GRM5: variants seen among roughly 807,000 people sequenced by gnomAD.
GRM5 encodes the protein glutamate metabotropic receptor 5, also known as metabotropic glutamate receptor 5.
Under a neutral mutation model 83.1 loss-of-function variants are expected in GRM5, and 19 were observed. The ratio of observed to expected loss-of-function variants is 0.23; its 90% CI spans 0.16 to 0.34. The LOEUF (loss-of-function observed/expected upper bound fraction) is 0.34. GRM5 is among the 10% of genes least tolerant of loss of function. The pLI, the probability that GRM5 is intolerant of heterozygous loss-of-function variation, is 1.00. For missense variants in GRM5, 1,160 were observed against 1,588.3 expected, an observed-to-expected ratio of 0.73 and a Z score of 4.58; for synonymous variants, 675 against 633.6, an observed-to-expected ratio of 1.07 and a Z score of -0.98.
At chr11:88,532,341 G>A (rs1942031960) in intron 8 of GRM5, among the ~76,000 whole-genome samples, 1 of 152,014 alleles carries the variant, frequency 6.6e-6, no homozygotes, top group Admixed American at 6.6e-5. Context: ...AAACAATATG[G>A]GAGGAAAAGA....
intron 9 of GRM5, among the ~76,000 whole-genome samples, chr11:88,519,266 T>C (rs1160106135): frequency 6.6e-6 from 1 of 151,892 alleles, no homozygotes; most frequent in Non-Finnish European, 1.5e-5. Flanking sequence ...AGTCTTAAGA[T>C]GTGCTGTTGT....
chr11:88,557,789 C>T (rs1183538843), intron 8 of GRM5, among the ~76,000 whole-genome samples: 1 of 148,570 alleles, frequency 6.7e-6, no homozygotes, highest in East Asian at 2.0e-4. Flanking sequence ...TTCTGGGGTA[C>T]ATGTGCAGAA....
intron 2 of GRM5, among the ~76,000 whole-genome samples, chr11:88,976,362 G>A (rs918487712): frequency 6.6e-6 from 1 of 152,044 alleles, no homozygotes; most frequent in Non-Finnish European, 1.5e-5. Flanking sequence ...TGAATCTTGC[G>A]AATCTACCAT....
intron 5 of GRM5, among the ~76,000 whole-genome samples, chr11:88,603,026 G>A (rs1938042117): frequency 6.6e-6 from 1 of 152,170 alleles, no homozygotes; most frequent in African/African-American, 2.4e-5. Flanking sequence ...ACCTAGTAGT[G>A]CAAGGATAGA....
At chr11:88,916,746 T>G (rs570914453) in intron 2 of GRM5, among the ~76,000 whole-genome samples, 170 of 94,624 alleles carry the variant, frequency 1.8e-3, no homozygotes, top group Non-Finnish European at 2.4e-3. Flanking sequence ...TCTGGGAGAA[T>G]TCCTCCAGCT....
intron 2 of GRM5, among the ~76,000 whole-genome samples, chr11:88,987,740 G>A (rs1387448327): frequency 6.6e-6 from 1 of 151,908 alleles, no homozygotes; most frequent in Admixed American, 6.6e-5. Flanking sequence ...GCACCCCCCA[G>A]CAGGGGCACA....
intron 2 of GRM5, among the ~76,000 whole-genome samples, chr11:88,992,438 C>T: frequency 6.6e-6 from 1 of 152,072 alleles, no homozygotes; most frequent in Admixed American, 6.6e-5. Flanking sequence ...ACTAGTTCAA[C>T]CATTGTGGAA....
chr11:88,680,392 T>C (rs1940449081), intron 3 of GRM5, among the ~76,000 whole-genome samples: 1 of 152,186 alleles, frequency 6.6e-6, no homozygotes, highest in Admixed American at 6.5e-5. Context: ...GCTTCATCCA[T>C]GTCCCTACAA....
At chr11:88,726,487 T>G (rs1591469987) in intron 3 of GRM5, among the ~76,000 whole-genome samples, 1 of 152,320 alleles carries the variant, frequency 6.6e-6, no homozygotes, top group Middle Eastern at 3.4e-3. Flanking sequence ...CCAGGAGAAC[T>G]TCTCCAACCT....
intron 2 of GRM5, chr11:89,008,907 T>C: frequency 1.9e-6 from 1 of 514,216 alleles, no homozygotes; most frequent in Non-Finnish European, 3.6e-6. Context: ...GCCTCTGTTA[T>C]TCCTTTAGTT....
chr11:88,794,064 C>A (rs935480773), intron 3 of GRM5, among the ~76,000 whole-genome samples: 1 of 152,164 alleles, frequency 6.6e-6, no homozygotes, highest in Non-Finnish European at 1.5e-5. Context: ...CTAAAGCAAT[C>A]TGCCTGCCTC....
At chr11:88,705,677 G>T (rs1415321279) in intron 3 of GRM5, among the ~76,000 whole-genome samples, 6 of 150,668 alleles carry the variant, frequency 4.0e-5, no homozygotes, top group African/African-American at 1.5e-4. Context: ...TCTGCTTTCT[G>T]CTAATCTCAT....
At chr11:89,023,477 C>A (rs1272208823) in intron 2 of GRM5, among the ~76,000 whole-genome samples, 1 of 152,102 alleles carries the variant, frequency 6.6e-6, no homozygotes, top group Non-Finnish European at 1.5e-5. Context: ...TAGTCCCAGA[C>A]ATACCAGGGT....
At chr11:88,952,014 T>C (rs1938480091) in intron 2 of GRM5, among the ~76,000 whole-genome samples, 1 of 152,176 alleles carries the variant, frequency 6.6e-6, no homozygotes. Flanking sequence ...CTTTCTGAAA[T>C]GCAGTTCTGT....
chr11:88,657,449 A>G (rs577125528), intron 3 of GRM5, among the ~76,000 whole-genome samples: 2 of 152,296 alleles, frequency 1.3e-5, no homozygotes, highest in Non-Finnish European at 2.9e-5. Flanking sequence ...TTCTTTATAC[A>G]TATGTACTGG....
At chr11:88,956,578 G>A (rs1254220442) in intron 2 of GRM5, among the ~76,000 whole-genome samples, 4 of 150,916 alleles carry the variant, frequency 2.7e-5, no homozygotes, top group Middle Eastern at 3.4e-3. Flanking sequence ...CGGCCGAGGC[G>A]GGCAGATCAC....
intron 3 of GRM5, among the ~76,000 whole-genome samples, chr11:88,795,351 C>T (rs906188366): frequency 1.3e-5 from 2 of 152,084 alleles, no homozygotes; most frequent in Non-Finnish European, 2.9e-5. Flanking sequence ...GGCCAAGGAG[C>T]CAGTGTTGTG....
At chr11:88,628,444 G>T (rs1370350132) in intron 4 of GRM5, among the ~76,000 whole-genome samples, 1 of 152,196 alleles carries the variant, frequency 6.6e-6, no homozygotes, top group South Asian at 2.1e-4. Flanking sequence ...TCATTGGAAA[G>T]AAATCATGTG....
At position 88,508,195 on chromosome 11, in the gene GRM5, A is replaced by T. The variant is rs893390732; in HGVS notation, c.*397T>A. On this transcript the variant is annotated 3_prime_UTR_variant, in exon 10 of 10. Coordinates refer to ENST00000305447, the MANE Select transcript of GRM5 (RefSeq NM_001143831.3). This position sits in a 1 kb window ranked among gnomAD's most constrained non-coding sequence, Gnocchi z 4.2. ...GGTGAATCAAAGACTCTTCTGGGAA[A>T]AGAATTAAAGTAAACAAATAAAACT... The T allele has an allele frequency of 6.4e-6, 1 of 155,776 alleles. No individual in the cohort carries two copies. Among genetic ancestry groups the T allele is most frequent in the Non-Finnish European group, 1.4e-5 (1 of 70,220 alleles). 9.6% of individuals were successfully genotyped at this position (155,776 alleles called of 1,614,324 possible).
Sources: gnomAD v4.1 joint callset for allele counts (sites outside exome capture counted in the v4.1 genomes callset) on GRCh38, gnomAD v4.1.1 for gene constraint, Gnocchi (gnomAD v3.1) non-coding constraint, MANE v1.5 for transcripts, NCBI Gene and HGNC (gene_info 2026-07-23, HGNC 2026-07-21) for gene names.